The following PRDM16 variants were observed in gnomAD, a reference collection of about 807,000 sequenced individuals.
PRDM16 encodes the protein histone-lysine N-methyltransferase PRDM16.
PRDM16 carries 23 observed loss-of-function variants against 110.6 expected under a neutral mutation model. The ratio of observed to expected loss-of-function variants is 0.21; its 90% CI spans 0.15 to 0.29. The LOEUF is 0.29. Among genes scored for constraint, PRDM16 ranks in the 10% least tolerant of loss-of-function variants. PRDM16 has a pLI of 1.00. For synonymous variants in PRDM16, 799 were observed against 781.8 expected (o/e 1.02, Z -0.37); for missense variants, 1,615 against 1,794.3 (o/e 0.90, Z 1.81).
intron 1 of PRDM16, among the ~76,000 whole-genome samples, chr1:3,115,624 G>A (rs1011783109): frequency 2.5e-4 from 38 of 152,224 alleles, no homozygotes; most frequent in African/African-American, 7.7e-4. Context: ...GAGAGGGGGC[G>A]GGGGCCACGG....
At chr1:3,309,193 T>G (rs12086132) in intron 3 of PRDM16, 26,242 of 152,262 alleles carry the variant, frequency 0.17, 2,358 homozygotes, top group East Asian at 0.32. Flanking sequence ...GTTCCTAGTT[T>G]CTGTTCTGAG....
chr1:3,233,060 T>C (rs1639452324), intron 2 of PRDM16, among the ~76,000 whole-genome samples: 1 of 152,192 alleles, frequency 6.6e-6, no homozygotes, highest in African/African-American at 2.4e-5. Context: ...GATAAATGTT[T>C]GTATAGAACC....
At chr1:3,088,798 ATT>A (rs1245191141) in intron 1 of PRDM16, among the ~76,000 whole-genome samples, 1 of 138,256 alleles carries the variant, frequency 7.2e-6, no homozygotes, top group Non-Finnish European at 1.6e-5. Flanking sequence ...TTATTTATTT[ATT>A]TTTTGGAGAT....
chr1:3,414,612 T>C lies in PRDM16; in HGVS notation c.2656T>C (p.Tyr886His), dbSNP rs1269124082. The C allele has an allele frequency of 6.2e-7, 1 of 1,613,390 alleles. No homozygotes were observed. The highest frequency in any genetic ancestry group is 1.1e-5 in the South Asian group (1 of 91,044). Residue 886 changes from tyrosine to histidine, a missense_variant, in exon 10 of 17, where the codon TAC (tyrosine) becomes CAC (histidine). Coordinates refer to ENST00000270722, the MANE Select transcript of PRDM16 (RefSeq NM_022114.4). ...TDPVGALKEKYLRPSPLLFHP... is the reference protein window; with the variant it reads ...TDPVGALKEKHLRPSPLLFHP... ...CCCCGTGGGAGCCCTGAAGGAGAAG[T>C]ACCTGCGGCCGTCCCCGCTGCTCTT...
Position 3,265,732 on chromosome 1 carries a change from G to GTCACAGTTAGCC in PRDM16, c.438+21596_438+21607dup, listed in dbSNP as rs1553154751. On this transcript the variant is annotated intron_variant, in intron 3 of 16. Transcript: ENST00000270722. The surrounding 1 kb of genome is among the most constrained non-coding windows in gnomAD (Gnocchi z 4.5). ...GGAGCTGACTGTGGTTAATCAGGAG[G>GTCACAGTTAGCC]TCACAGTTAGCCCCAGCCAGACAGG... Among the ~76,000 whole-genome samples, 1 of 152,116 alleles carries GTCACAGTTAGCC rather than the reference G, an allele frequency of 6.6e-6. No homozygotes were observed. The highest frequency in any genetic ancestry group is 2.4e-5 in the African/African-American group (1 of 41,406).
rs186011855 is a variant in PRDM16, at chr1:3,185,810, C to T, written c.38-315C>T. Among the ~76,000 whole-genome samples the T allele has an allele frequency of 4.1e-3, 619 of 152,352 alleles. 4 individuals are homozygous for T. Among genetic ancestry groups the T allele is most frequent in the African/African-American group, 0.014 (574 of 41,590 alleles). On this transcript the variant is annotated intron_variant, in intron 1 of 16. Transcript: ENST00000270722. ...CTAGTTCCCTTAGGGCAGGACCACC[C>T]GGCGCATCCTCAGGTGGCTGTGGGA... is the stretch of plus-strand genomic sequence containing the variant.
chr1:3,118,228 CACACGTGCAT>C (rs1374304280), intron 1 of PRDM16, among the ~76,000 whole-genome samples: 9 of 152,194 alleles, frequency 5.9e-5, no homozygotes, highest in African/African-American at 2.2e-4. Context: ...CACACGTGCA[CACACGTGCAT>C]ACACACGCAC....
intron 1 of PRDM16, among the ~76,000 whole-genome samples, chr1:3,178,008 C>A (rs1644108710): frequency 6.6e-6 from 1 of 152,164 alleles, no homozygotes; most frequent in Non-Finnish European, 1.5e-5. Context: ...GCCGCGGCGT[C>A]TTGCTGCCTC....
At chr1:3,394,572 C>A in intron 4 of PRDM16, 1 of 386,538 alleles carries the variant, frequency 2.6e-6, no homozygotes, top group Non-Finnish European at 5.3e-6. Context: ...TCTAACGGGA[C>A]CCCTCGAGAA....
chr1:3,211,696 C>G (rs1242838277), intron 2 of PRDM16, among the ~76,000 whole-genome samples: 1 of 152,246 alleles, frequency 6.6e-6, no homozygotes, highest in Non-Finnish European at 1.5e-5. Flanking sequence ...TGCACAGCCC[C>G]TAATGTTGGC....
At chr1:3,312,868 G>T (rs10909928) in intron 3 of PRDM16, among the ~76,000 whole-genome samples, 14,259 of 152,288 alleles carry the variant, frequency 0.094, 2,158 homozygotes, top group African/African-American at 0.31. Context: ...GGTGAGAAAG[G>T]CTTTTCAAAA....
rs893834180 is a variant in PRDM16, at chr1:3,069,713, CCT to C, written c.37+427_37+428del. Among the ~76,000 whole-genome samples, 1 of 151,886 alleles carries C rather than the reference CCT, an allele frequency of 6.6e-6. No individual in the cohort carries two copies. Among genetic ancestry groups the C allele is most frequent in the Non-Finnish European group, 1.5e-5 (1 of 67,954 alleles). ...CTTTTTCCTCCCCGCTCGCTCTCTC[CCT>C]CTCTCTCTCCGAGTGGCTCTCAGTC... On this transcript the variant is annotated intron_variant, in intron 1 of 16. Transcript: ENST00000270722. The surrounding 1 kb of genome is among the most constrained non-coding windows in gnomAD (Gnocchi z 6.1).
intron 1 of PRDM16, among the ~76,000 whole-genome samples, chr1:3,147,272 G>A (rs1044519822): frequency 2.6e-5 from 4 of 152,032 alleles, no homozygotes; most frequent in South Asian, 2.1e-4. Context: ...GGCATCATCA[G>A]TGCTGGATAA....
At position 3,412,104 on chromosome 1, in the gene PRDM16, A is replaced by G. The variant is rs752799586; in HGVS notation, c.1907A>G (p.Asp636Gly). The G allele has an allele frequency of 3.2e-5, 51 of 1,582,996 alleles. No homozygotes were observed. Among genetic ancestry groups the G allele is most frequent in the Admixed American group, 5.3e-5 (3 of 57,110 alleles). ...DSDVDSDPDK[D>G]KGKGKSAEGQ... ...GACGTGGACAGCGACCCTGACAAGG[A>G]CAAGGGCAAGGGCAAGTCCGCCGAG... Residue 636 changes from aspartate to glycine, a missense_variant, in exon 9 of 17, where the codon GAC becomes GGC. Asp to Gly is a moderately conservative substitution (Grantham distance 94, BLOSUM62 -1). This residue lies in a region of PRDM16 where 772 missense variants were observed against 748.3 expected (regional missense o/e 1.03). Coordinates refer to ENST00000270722, the MANE Select transcript of PRDM16 (RefSeq NM_022114.4).
intron 1 of PRDM16, among the ~76,000 whole-genome samples, chr1:3,179,574 G>A (rs1159265644): frequency 2.0e-5 from 3 of 152,234 alleles, no homozygotes; most frequent in Non-Finnish European, 2.9e-5. Flanking sequence ...GCTGTGGGGT[G>A]GCAGATCCAT....
intron 2 of PRDM16, among the ~76,000 whole-genome samples, chr1:3,221,138 G>T (rs1215687389): frequency 6.6e-6 from 1 of 152,206 alleles, no homozygotes; most frequent in Non-Finnish European, 1.5e-5. Flanking sequence ...CTTGGGACGT[G>T]TGCAACCTCA....
rs182242778 is a variant in PRDM16 at position 3,209,155 on chromosome 1, A to G, written c.387+22681A>G. 1.3e-5 allele frequency among the ~76,000 whole-genome samples: 2 copies of G among 152,346 alleles called. No homozygotes were observed. The highest frequency in any genetic ancestry group is 1.9e-4 in the East Asian group (1 of 5,194). ...GGCTTTGAATATCCTAGTCAAAAAT[A>G]TGGGAACATTTTGGTTCCAGGGGTA... is the stretch of plus-strand genomic sequence containing the variant. On this transcript the variant is annotated intron_variant, in intron 2 of 16. Transcript: ENST00000270722. This position sits in a 1 kb window ranked among gnomAD's most constrained non-coding sequence, Gnocchi z 4.6.
intron 1 of PRDM16, among the ~76,000 whole-genome samples, chr1:3,138,436 C>T (rs1254959996): frequency 1.3e-5 from 2 of 152,206 alleles, no homozygotes; most frequent in African/African-American, 2.4e-5. Context: ...GGCTGTGCCC[C>T]CGGAGCCGGC....
In PRDM16 at chr1:3,431,074, G is replaced by T. The variant is rs747460948; in HGVS notation, c.3487G>T (p.Ala1163Ser). 4 of 1,552,316 alleles carry T rather than the reference G, an allele frequency of 2.6e-6. No homozygotes were observed. The Admixed American group carries it at 7.8e-5, about 30-fold the overall frequency. Residue 1163 changes from alanine (A) to serine (S), a missense_variant, in exon 15 of 17, where the codon GCC (alanine) becomes TCC (serine). Coordinates refer to ENST00000270722, the MANE Select transcript of PRDM16 (RefSeq NM_022114.4). ...YEDEEDEEPA[A>S]SLAVGFDHTR... ...GGATGAGGAGGATGAGGAGCCAGCCGCCTCCCTGGCCGTGGGCTTTGACCA... is the reference window on the plus strand; with the variant it reads ...GGATGAGGAGGATGAGGAGCCAGCCTCCTCCCTGGCCGTGGGCTTTGACCA...
Sources: gnomAD v4.1 joint callset for allele counts (sites outside exome capture counted in the v4.1 genomes callset) on GRCh38, gnomAD v4.1.1 for gene constraint, gnomAD v4.1.1 regional missense constraint, Gnocchi (gnomAD v3.1) non-coding constraint, MANE v1.5 for transcripts, NCBI Gene and HGNC (gene_info 2026-07-23, HGNC 2026-07-21) for gene names.